The following PIP5K1B variants were observed in gnomAD, a reference collection of about 807,000 sequenced individuals.
The protein encoded by PIP5K1B is phosphatidylinositol-4-phosphate 5-kinase type 1 beta.
Under a neutral mutation model 67.0 loss-of-function variants are expected in PIP5K1B, and 42 were observed. That is an observed-to-expected ratio of 0.63 (90% CI 0.49 to 0.81). PIP5K1B has a LOEUF of 0.81. Among genes scored for constraint, PIP5K1B ranks in the 30% least tolerant of loss-of-function variants. The probability of loss-of-function intolerance (pLI) is 0.00; values close to 1 mark genes in which losing one functional copy is unlikely to be tolerated. For synonymous variants in PIP5K1B, 214 were observed against 231.4 expected, an observed-to-expected ratio of 0.92 and a Z score of 0.68; for missense variants, 459 against 646.3, an observed-to-expected ratio of 0.71 and a Z score of 3.14.
chr9:68,827,584 C>T (rs1834055145), intron 4 of PIP5K1B, among the ~76,000 whole-genome samples: 1 of 152,110 alleles, frequency 6.6e-6, no homozygotes. Flanking sequence ...AAGCCAGTGG[C>T]AGAGCACAAG....
At chr9:68,839,511 C>A (rs375071449) in intron 4 of PIP5K1B, among the ~76,000 whole-genome samples, 34 of 151,966 alleles carry the variant, frequency 2.2e-4, no homozygotes, top group Non-Finnish European at 4.4e-4. Flanking sequence ...CCTTAAACAC[C>A]CTGTGGATTA....
intron 11 of PIP5K1B, among the ~76,000 whole-genome samples, chr9:68,922,284 G>A (rs1191135863): frequency 6.6e-6 from 1 of 152,012 alleles, no homozygotes; most frequent in Non-Finnish European, 1.5e-5. Flanking sequence ...GGCCAACATG[G>A]TCAAAACCCC....
intron 14 of PIP5K1B, among the ~76,000 whole-genome samples, chr9:68,982,395 G>A (rs1829916504): frequency 1.3e-5 from 2 of 152,180 alleles, no homozygotes; most frequent in African/African-American, 4.8e-5. Flanking sequence ...CCCAAAGTCA[G>A]AACTGAGGAG....
At chr9:68,978,361 A>G (rs1829729424) in intron 14 of PIP5K1B, among the ~76,000 whole-genome samples, 1 of 152,216 alleles carries the variant, frequency 6.6e-6, no homozygotes, top group African/African-American at 2.4e-5. Flanking sequence ...AAATGAGTTC[A>G]TGCAGTGTTT....
At chr9:68,858,914 T>C (rs147058855) in intron 4 of PIP5K1B, among the ~76,000 whole-genome samples, 1 of 152,392 alleles carries the variant, frequency 6.6e-6, no homozygotes, top group African/African-American at 2.4e-5. Flanking sequence ...TCATTGCTTT[T>C]CTAAGAGATG....
At chr9:68,792,725 C>A (rs1033548894) in intron 2 of PIP5K1B, among the ~76,000 whole-genome samples, 1 of 152,096 alleles carries the variant, frequency 6.6e-6, no homozygotes, top group East Asian at 1.9e-4. Flanking sequence ...GTGATCCGCC[C>A]GCCTCGGCCT....
intron 6 of PIP5K1B, among the ~76,000 whole-genome samples, chr9:68,882,476 G>A (rs1001869110): frequency 3.3e-5 from 5 of 152,080 alleles, no homozygotes; most frequent in Non-Finnish European, 5.9e-5. Flanking sequence ...ATTTGACAAT[G>A]TAGTAACCAA....
chr9:68,947,013 A>G (rs942685983), intron 14 of PIP5K1B, among the ~76,000 whole-genome samples: 1 of 152,252 alleles, frequency 6.6e-6, no homozygotes, highest in African/African-American at 2.4e-5. Flanking sequence ...CATTTGTTGA[A>G]ATAAAATAAC....
At position 68,961,848 on chromosome 9, in the gene PIP5K1B, T is replaced by C. The variant is rs114852840; in HGVS notation, c.1502+21058T>C. Among the ~76,000 whole-genome samples, 1,430 of 152,288 alleles carry C rather than the reference T, an allele frequency of 9.4e-3. 23 individuals carry two copies. The highest frequency in any genetic ancestry group is 0.033 in the African/African-American group (1,359 of 41,556). The stretch of plus-strand genomic sequence containing the variant: ...GGAGAATAAACCTCCATTCTTAAAA[T>C]AGGGTTGAGAAAAGGCAGTTGCATG... On this transcript the variant is annotated intron_variant, in intron 14 of 15. Coordinates refer to ENST00000265382, the MANE Select transcript of PIP5K1B (RefSeq NM_003558.4).
chr9:68,837,370 G>A (rs1003635300), intron 4 of PIP5K1B, among the ~76,000 whole-genome samples: 1 of 152,162 alleles, frequency 6.6e-6, no homozygotes. Flanking sequence ...ACTAAGCACT[G>A]CTCCTTTAAA....
At chr9:68,823,484 T>A (rs907668643) in intron 4 of PIP5K1B, among the ~76,000 whole-genome samples, 1 of 152,192 alleles carries the variant, frequency 6.6e-6, no homozygotes, top group Non-Finnish European at 1.5e-5. Flanking sequence ...CTTCCCCACC[T>A]TTTCTAAGCC....
intron 14 of PIP5K1B, among the ~76,000 whole-genome samples, chr9:68,977,585 G>T (rs1348868392): frequency 6.6e-6 from 1 of 151,212 alleles, no homozygotes; most frequent in Non-Finnish European, 1.5e-5. Flanking sequence ...TGTTGTTGTT[G>T]TCTTGGATGT....
At chr9:68,736,568 A>G (rs1360873462) in intron 1 of PIP5K1B, among the ~76,000 whole-genome samples, 1 of 152,308 alleles carries the variant, frequency 6.6e-6, no homozygotes, top group Non-Finnish European at 1.5e-5. Context: ...GTGTTGGCAG[A>G]GCTGCACTCC....
intron 4 of PIP5K1B, among the ~76,000 whole-genome samples, chr9:68,833,629 T>C (rs1834441598): frequency 6.8e-6 from 1 of 148,060 alleles, no homozygotes; most frequent in African/African-American, 2.5e-5. Flanking sequence ...TGAGAAGCCC[T>C]GAGTTAGAGA....
chr9:68,941,400 C>T (rs954396967), intron 14 of PIP5K1B, among the ~76,000 whole-genome samples: 1 of 152,094 alleles, frequency 6.6e-6, no homozygotes, highest in Non-Finnish European at 1.5e-5. Flanking sequence ...GAAGGAGACA[C>T]AACATCAGAA....
At chr9:68,729,773 G>T (rs142390237) in intron 1 of PIP5K1B, among the ~76,000 whole-genome samples, 2 of 152,168 alleles carry the variant, frequency 1.3e-5, no homozygotes, top group East Asian at 3.9e-4. Context: ...TACAATGTTG[G>T]CATGGCTGTG....
chr9:68,741,889 G>T (rs1308393919), intron 1 of PIP5K1B, among the ~76,000 whole-genome samples: 1 of 152,170 alleles, frequency 6.6e-6, no homozygotes, highest in Non-Finnish European at 1.5e-5. Context: ...GTAGTTGTTG[G>T]GGGTGGGGAG....
chr9:68,773,279 T>C (rs895892212), intron 2 of PIP5K1B, among the ~76,000 whole-genome samples: 9 of 152,240 alleles, frequency 5.9e-5, no homozygotes, highest in African/African-American at 2.2e-4. Flanking sequence ...GGAAGGATAG[T>C]AGACAGACAG....
In PIP5K1B at chr9:68,848,717, TAAGAG is replaced by T. The variant is rs1020281470; in HGVS notation, c.70-15116_70-15112del. The stretch of plus-strand genomic sequence containing the variant: ...ATACAATTTTAATAATCAAAACTCT[TAAGAG>T]AAGGCATGGAAATTTTATTGTTTTA... On this transcript the variant is annotated intron_variant, in intron 4 of 15. Transcript: ENST00000265382. Among the ~76,000 whole-genome samples, 189 of 152,320 alleles carry T rather than the reference TAAGAG, an allele frequency of 1.2e-3. 1 individual carries two copies. Among genetic ancestry groups the T allele is most frequent in the African/African-American group, 4.3e-3 (178 of 41,564 alleles).
Sources: allele counts gnomAD v4.1 joint callset (sites outside exome capture counted in the v4.1 genomes callset), GRCh38; gene constraint gnomAD v4.1.1; transcripts MANE v1.5; gene names NCBI Gene and HGNC (gene_info 2026-07-23, HGNC 2026-07-21).